PPM1L: variants seen among roughly 807,000 people sequenced by gnomAD.
PPM1L encodes the protein protein phosphatase 1L.
In PPM1L, 13 loss-of-function variants were observed where a neutral mutation model predicts 31.4. The observed-to-expected ratio is 0.41, with a 90% CI of 0.27 to 0.66. The LOEUF is 0.66. PPM1L is among the 30% of genes least tolerant of loss of function. The pLI is 0.29. For missense variants in PPM1L, 326 were observed against 453.7 expected, an observed-to-expected ratio of 0.72 and a Z score of 2.56; for synonymous variants, 184 against 175.4, an observed-to-expected ratio of 1.05 and a Z score of -0.39.
intron 1 of PPM1L, among the ~76,000 whole-genome samples, chr3:160,906,496 G>A (rs891794717): frequency 1.3e-5 from 2 of 152,206 alleles, no homozygotes; most frequent in Admixed American, 6.5e-5. Context: ...CAGCTACTCA[G>A]GAGGCTGAGG....
intron 1 of PPM1L, among the ~76,000 whole-genome samples, chr3:160,805,328 C>T (rs1019778643): frequency 6.6e-6 from 1 of 152,142 alleles, no homozygotes; most frequent in Non-Finnish European, 1.5e-5. Flanking sequence ...GGACGAACTT[C>T]AGAACAGTGG....
chr3:161,038,374 C>A (rs1718808573), intron 2 of PPM1L, among the ~76,000 whole-genome samples: 1 of 151,760 alleles, frequency 6.6e-6, no homozygotes, highest in African/African-American at 2.4e-5. Flanking sequence ...TACAGTGGCA[C>A]AATCATAGCC....
intron 2 of PPM1L, among the ~76,000 whole-genome samples, chr3:160,999,552 G>A (rs1717418935): frequency 2.0e-5 from 3 of 152,140 alleles, no homozygotes; most frequent in Admixed American, 2.0e-4. Flanking sequence ...CCTTGTTGCT[G>A]TGGTTTCTGC....
intron 1 of PPM1L, among the ~76,000 whole-genome samples, chr3:160,851,140 G>T (rs956851008): frequency 7.9e-5 from 12 of 152,040 alleles, no homozygotes; most frequent in Admixed American, 2.0e-4. Context: ...TACCTTATAG[G>T]CAAGAGTTTC....
intron 3 of PPM1L, among the ~76,000 whole-genome samples, chr3:161,066,276 A>G (rs568371463): frequency 6.6e-6 from 1 of 152,206 alleles, no homozygotes; most frequent in Non-Finnish European, 1.5e-5. Context: ...GGTTTATTCA[A>G]TATTTTAGGA....
intron 2 of PPM1L, among the ~76,000 whole-genome samples, chr3:161,063,214 TA>T (rs992915996): frequency 3.9e-4 from 58 of 150,248 alleles, no homozygotes; most frequent in African/African-American, 1.0e-3. Flanking sequence ...GTTTCCAATA[TA>T]AAAAAAAAAT....
At position 161,076,437 on chromosome 3, in the gene PPM1L, A is replaced by G. The variant is rs929810573; in HGVS notation, c.*7280A>G. ...TTTATCTCAAGCATATACAGTGTGC[A>G]GAAAGTAGAATAATGAATAAAATAT... On this transcript the variant is annotated 3_prime_UTR_variant, in exon 4 of 4. Transcript: ENST00000498165. 2.0e-5 allele frequency: 3 copies of G among 152,252 alleles called. No individual in the cohort carries two copies. The highest frequency in any genetic ancestry group is 4.8e-5 in the African/African-American group (2 of 41,470). 9.4% of individuals were successfully genotyped at this position (152,252 alleles called of 1,614,324 possible).
At chr3:161,024,991 T>C (rs1218392271) in intron 2 of PPM1L, among the ~76,000 whole-genome samples, 1 of 152,232 alleles carries the variant, frequency 6.6e-6, no homozygotes, top group Non-Finnish European at 1.5e-5. Context: ...TAAATAAGCA[T>C]GCCTTAGTTT....
intron 2 of PPM1L, among the ~76,000 whole-genome samples, chr3:160,970,445 A>T (rs751918044): frequency 0.086 from 2,892 of 33,452 alleles, 125 homozygotes; most frequent in African/African-American, 0.16. Flanking sequence ...ACCAAGCTGA[A>T]TATTTTTTTT....
chr3:160,937,619 CA>C (rs200296655), intron 1 of PPM1L, among the ~76,000 whole-genome samples: 3 of 148,402 alleles, frequency 2.0e-5, no homozygotes, highest in Non-Finnish European at 3.0e-5. Context: ...GTCTCCGTCT[CA>C]AAAAAAAACA....
At chr3:160,816,804 A>G (rs1713009264) in intron 1 of PPM1L, among the ~76,000 whole-genome samples, 1 of 152,196 alleles carries the variant, frequency 6.6e-6, no homozygotes, top group Admixed American at 6.5e-5. Flanking sequence ...GTTTGGCCTC[A>G]CTTCTAACCT....
chr3:160,765,549 G>A (rs894741410), intron 1 of PPM1L, among the ~76,000 whole-genome samples: 6 of 152,152 alleles, frequency 3.9e-5, no homozygotes, highest in African/African-American at 1.4e-4. Flanking sequence ...GTCAGAGCAG[G>A]TGATGCTTCA....
At chr3:161,045,482 C>T (rs1399727195) in intron 2 of PPM1L, among the ~76,000 whole-genome samples, 1 of 152,204 alleles carries the variant, frequency 6.6e-6, no homozygotes, top group Non-Finnish European at 1.5e-5. Context: ...CAAAACCGTT[C>T]AACTACATGG....
At chr3:161,050,454 T>G (rs1353459559) in intron 2 of PPM1L, among the ~76,000 whole-genome samples, 2 of 152,170 alleles carry the variant, frequency 1.3e-5, no homozygotes, top group African/African-American at 2.4e-5. Context: ...TTCAGAAAAG[T>G]TTTTTTAAAA....
chr3:161,005,917 C>T (rs1717688644), intron 2 of PPM1L, among the ~76,000 whole-genome samples: 1 of 151,848 alleles, frequency 6.6e-6, no homozygotes, highest in Non-Finnish European at 1.5e-5. Flanking sequence ...GAAGGCTTTC[C>T]TAGGTATGAC....
chr3:160,760,722 G>GTT (rs1176498755), intron 1 of PPM1L, among the ~76,000 whole-genome samples: 1 of 143,406 alleles, frequency 7.0e-6, no homozygotes, highest in Admixed American at 6.9e-5. Flanking sequence ...TTTTTTTTTT[G>GTT]TTTTTTTTTT....
intron 1 of PPM1L, among the ~76,000 whole-genome samples, chr3:160,863,391 T>G (rs930942442): frequency 5.3e-5 from 8 of 152,232 alleles, no homozygotes. Context: ...CACTTTTTCC[T>G]GCTTAGCACT....
At chr3:160,979,823 A>C (rs1716736004) in intron 2 of PPM1L, among the ~76,000 whole-genome samples, 1 of 152,092 alleles carries the variant, frequency 6.6e-6, no homozygotes, top group Non-Finnish European at 1.5e-5. Flanking sequence ...ATGTAATACC[A>C]CAGAAAATCA....
At chr3:160,964,900 A>T (rs1050119710) in intron 2 of PPM1L, among the ~76,000 whole-genome samples, 1 of 152,090 alleles carries the variant, frequency 6.6e-6, no homozygotes, top group African/African-American at 2.4e-5. Context: ...ATAAAATAAG[A>T]AAAAACATTA....
Sources: allele counts gnomAD v4.1 joint callset (sites outside exome capture counted in the v4.1 genomes callset), GRCh38; gene constraint gnomAD v4.1.1; transcripts MANE v1.5; gene names NCBI Gene and HGNC (gene_info 2026-07-23, HGNC 2026-07-21).